Variants in PPEF1 observed in about 807,000 individuals in gnomAD.
The protein encoded by PPEF1 is protein phosphatase with EF-hand domain 1.
A neutral mutation model predicts 53.3 loss-of-function variants in PPEF1; 12 were observed. The observed-to-expected ratio is 0.23, with a 90% CI of 0.14 to 0.36. The LOEUF (loss-of-function observed/expected upper bound fraction) is 0.36, where lower values mean the gene tolerates loss of function less well. PPEF1 is among the 10% of genes least tolerant of loss of function. The probability of loss-of-function intolerance (pLI) is 1.00; values close to 1 mark genes in which losing one functional copy is unlikely to be tolerated. For synonymous variants in PPEF1, 165 were observed against 176.7 expected, an observed-to-expected ratio of 0.93 and a Z score of 0.52; for missense variants, 334 against 490.4, an observed-to-expected ratio of 0.68 and a Z score of 3.01.
chrX:18,818,046 A>G lies in PPEF1; in HGVS notation c.1402A>G (p.Thr468Ala). The G allele has an allele frequency of 8.4e-7, 1 of 1,188,225 alleles. No homozygotes were observed. Among genetic ancestry groups the G allele is most frequent in the Non-Finnish European group, 1.1e-6 (1 of 878,679 alleles). The part of the protein sequence containing the change: ...CFQPLRQRVD[T>A]MENSAIKILR... ...TTATTGTTTTCTTTGCAGAGTGGATACTATGGAAAACAGCGCCATCAAGAT... is the reference window on the plus strand; with the variant it reads ...TTATTGTTTTCTTTGCAGAGTGGATGCTATGGAAAACAGCGCCATCAAGAT... Residue 468 changes from threonine (T) to alanine (A), a missense_variant, in exon 13 of 16, where the codon ACT (threonine) becomes GCT (alanine). Coordinates refer to ENST00000470157, the MANE Select transcript of PPEF1 (RefSeq NM_001377996.1).
intron 2 of PPEF1, among the ~76,000 whole-genome samples, chrX:18,684,823 C>T (rs767600321): frequency 4.6e-4 from 51 of 111,100 alleles, no homozygotes; most frequent in Non-Finnish European, 9.4e-4. Context: ...GATGGATTTT[C>T]ACCATGCTGC....
At chrX:18,709,677 T>C (rs1342393786) in intron 1 of PPEF1, among the ~76,000 whole-genome samples, 4 of 110,057 alleles carry the variant, frequency 3.6e-5, no homozygotes. Flanking sequence ...TTTGTATTTT[T>C]GGTAGAGACA....
intron 2 of PPEF1, among the ~76,000 whole-genome samples, chrX:18,732,472 G>A (rs755410612): frequency 1.8e-5 from 2 of 112,185 alleles, no homozygotes; most frequent in South Asian, 7.5e-4. Context: ...CTTCCCACCA[G>A]CAGTGGATGA....
At chrX:18,702,161 A>G (rs1930171513) in intron 6 of PPEF1, among the ~76,000 whole-genome samples, 1 of 111,826 alleles carries the variant, frequency 8.9e-6, no homozygotes, top group African/African-American at 3.3e-5. Flanking sequence ...TTTAGGCCAC[A>G]GACATCAGGC....
intron 5 of PPEF1, 102 bp from the exon 6 acceptor site, chrX:18,761,428 A>G (rs1021728571): frequency 2.0e-5 from 14 of 717,373 alleles, no homozygotes; most frequent in Middle Eastern, 5.9e-4. Flanking sequence ...TAAAAACCCA[A>G]TGCCCTGAGA....
intron 3 of PPEF1, among the ~76,000 whole-genome samples, chrX:18,740,916 A>ATTT (rs749122735): frequency 2.7e-5 from 2 of 75,189 alleles, no homozygotes; most frequent in Non-Finnish European, 2.6e-5. Flanking sequence ...TGGGCCAACC[A>ATTT]TTTTTTTTTT....
chrX:18,820,388 CTTT>C (rs35499193), intron 13 of PPEF1, among the ~76,000 whole-genome samples: 8 of 95,126 alleles, frequency 8.4e-5, no homozygotes, highest in Admixed American at 1.2e-4. Context: ...TTAGCAGACT[CTTT>C]TTTTTTTTTT....
chrX:18,760,996 G>A (rs1219992325), intron 5 of PPEF1, among the ~76,000 whole-genome samples: 2 of 110,149 alleles, frequency 1.8e-5, no homozygotes, highest in South Asian at 3.9e-4. Context: ...GACCAGGCTG[G>A]TCTTGAACTC....
At chrX:18,716,230 G>A (rs1262777575) in intron 1 of PPEF1, among the ~76,000 whole-genome samples, 1 of 111,740 alleles carries the variant, frequency 8.9e-6, no homozygotes, top group Non-Finnish European at 1.9e-5. Flanking sequence ...AGTTAATTTA[G>A]CTGTTTAAAA....
intron 5 of PPEF1, among the ~76,000 whole-genome samples, chrX:18,759,098 G>A (rs928024873): frequency 1.4e-4 from 16 of 111,327 alleles, no homozygotes; most frequent in African/African-American, 5.2e-4. Context: ...ATTGTCCATC[G>A]TGAGACAAAG....
intron 2 of PPEF1, 81 bp downstream of exon 2, chrX:18,730,389 C>T: frequency 4.6e-6 from 5 of 1,077,664 alleles, no homozygotes; most frequent in Non-Finnish European, 6.3e-6. Context: ...AAGTTTGGGT[C>T]CATTTTAAGC....
At chrX:18,766,901 A>ATT (rs1373550832) in intron 6 of PPEF1, among the ~76,000 whole-genome samples, 6 of 111,533 alleles carry the variant, frequency 5.4e-5, no homozygotes, top group African/African-American at 2.0e-4. Flanking sequence ...TACAAAAAAA[A>ATT]ATTAGCTTCG....
chrX:18,821,035 A>G (rs964052870), intron 13 of PPEF1, among the ~76,000 whole-genome samples: 1 of 108,695 alleles, frequency 9.2e-6, no homozygotes, highest in Non-Finnish European at 1.9e-5. Flanking sequence ...CATCCTGGCT[A>G]ACACAGTGAA....
At chrX:18,803,865 C>T in intron 10 of PPEF1, 27 bp from the exon 11 acceptor site, 1 of 1,153,457 alleles carries the variant, frequency 8.7e-7, no homozygotes, top group Non-Finnish European at 1.2e-6. Context: ...TTGTAAGTTA[C>T]AGCGAAATCT....
intron 12 of PPEF1, among the ~76,000 whole-genome samples, chrX:18,815,418 C>T (rs1263426982): frequency 8.9e-6 from 1 of 112,147 alleles, no homozygotes; most frequent in African/African-American, 3.2e-5. Context: ...ATTAATTCTT[C>T]CTTAAATGTT....
intron 4 of PPEF1, among the ~76,000 whole-genome samples, chrX:18,755,666 A>G (rs1260057405): frequency 9.1e-6 from 1 of 109,782 alleles, no homozygotes; most frequent in Admixed American, 9.7e-5. Flanking sequence ...CATTTTCATC[A>G]CCCCCAAACA....
chrX:18,712,062 T>A (rs2044344203), intron 1 of PPEF1, among the ~76,000 whole-genome samples: 1 of 112,132 alleles, frequency 8.9e-6, no homozygotes, highest in Non-Finnish European at 1.9e-5. Flanking sequence ...TACTATAGCT[T>A]TTTTTAATAA....
chrX:18,696,117 T>G (rs1929700721), intron 4 of PPEF1, among the ~76,000 whole-genome samples: 1 of 111,711 alleles, frequency 9.0e-6, no homozygotes, highest in South Asian at 3.7e-4. Context: ...CTTTCTTCTC[T>G]TCACAAGGGA....
chrX:18,730,350 C>G, intron 2 of PPEF1, 42 bp downstream of exon 2: 4 of 1,172,427 alleles, frequency 3.4e-6, no homozygotes, highest in Non-Finnish European at 3.4e-6. Flanking sequence ...TAAAATGATT[C>G]TCTTTACCCC....
Sources: allele counts gnomAD v4.1 joint callset (sites outside exome capture counted in the v4.1 genomes callset), GRCh38; gene constraint gnomAD v4.1.1; transcripts MANE v1.5; gene names NCBI Gene and HGNC (gene_info 2026-07-23, HGNC 2026-07-21).